ETS1: variants seen among roughly 807,000 people sequenced by gnomAD.
ETS1 encodes the protein ETS proto-oncogene 1, transcription factor, also known as protein C-ets-1.
ETS1 carries 15 observed loss-of-function variants against 58.6 expected under a neutral mutation model. The ratio of observed to expected loss-of-function variants is 0.26; its 90% confidence interval spans 0.17 to 0.39. The LOEUF (loss-of-function observed/expected upper bound fraction) is 0.39. ETS1 is among the 10% of genes least tolerant of loss of function. ETS1 has a pLI of 1.00. For synonymous variants in ETS1, 214 were observed against 218.2 expected, an observed-to-expected ratio of 0.98 and a Z score of 0.17; for missense variants, 417 against 610.5, an observed-to-expected ratio of 0.68 and a Z score of 3.34.
intron 3 of ETS1, among the ~76,000 whole-genome samples, chr11:128,544,184 G>A (rs1864095858): frequency 6.6e-6 from 1 of 151,770 alleles, no homozygotes; most frequent in African/African-American, 2.4e-5. Flanking sequence ...TCATAAGAAA[G>A]TCAGTTCCTT....
chr11:128,484,747 T>C (rs909104240), intron 7 of ETS1, 76 bp downstream of exon 7: 46 of 1,383,284 alleles, frequency 3.3e-5, no homozygotes, highest in African/African-American at 2.2e-4. Flanking sequence ...AAAAAAAAAA[T>C]GGAACCTGAA....
intron 3 of ETS1, among the ~76,000 whole-genome samples, chr11:128,532,366 C>T (rs532379587): frequency 2.5e-4 from 38 of 152,352 alleles, no homozygotes; most frequent in African/African-American, 8.9e-4. Flanking sequence ...TTGCCATTTA[C>T]ATCAGCTATG....
At chr11:128,515,489 C>A (rs1407344258) in intron 3 of ETS1, among the ~76,000 whole-genome samples, 1 of 152,190 alleles carries the variant, frequency 6.6e-6, no homozygotes, top group African/African-American at 2.4e-5. Flanking sequence ...TAAAGGGCTT[C>A]AAACTCTTAA....
intron 1 of ETS1, among the ~76,000 whole-genome samples, chr11:128,575,750 G>A (rs1203216841): frequency 6.6e-6 from 1 of 152,228 alleles, no homozygotes; most frequent in African/African-American, 2.4e-5. Flanking sequence ...ATAGGAAATT[G>A]TGAAAGATTG....
intron 3 of ETS1, among the ~76,000 whole-genome samples, chr11:128,521,008 C>CT (rs1203448899): frequency 6.6e-6 from 1 of 152,138 alleles, no homozygotes; most frequent in Non-Finnish European, 1.5e-5. Flanking sequence ...TCACTCATCT[C>CT]TAAGGATAGC....
intron 2 of ETS1, among the ~76,000 whole-genome samples, chr11:128,564,149 CT>C (rs1389630740): frequency 3.3e-5 from 5 of 152,104 alleles, no homozygotes; most frequent in Non-Finnish European, 7.4e-5. Context: ...GTTCTGCTCC[CT>C]TGAGAGGTAA....
intron 1 of ETS1, among the ~76,000 whole-genome samples, chr11:128,587,213 C>T (rs2135610674): frequency 6.7e-6 from 1 of 150,178 alleles, no homozygotes; most frequent in East Asian, 1.9e-4. Flanking sequence ...AAGTAATCTA[C>T]GGGTATCTAA....
intron 3 of ETS1, among the ~76,000 whole-genome samples, chr11:128,517,072 T>G (rs1446390630): frequency 6.6e-6 from 1 of 152,246 alleles, no homozygotes. Flanking sequence ...TAAGCATTGC[T>G]GGAACTTTCA....
At chr11:128,530,610 C>T (rs982053310) in intron 3 of ETS1, among the ~76,000 whole-genome samples, 2 of 152,052 alleles carry the variant, frequency 1.3e-5, no homozygotes, top group Non-Finnish European at 2.9e-5. Context: ...AAGACTTCAT[C>T]ACAAAAAGGC....
intron 8 of ETS1, among the ~76,000 whole-genome samples, chr11:128,467,690 T>C (rs935225537): frequency 1.3e-5 from 2 of 152,112 alleles, no homozygotes; most frequent in African/African-American, 4.8e-5. Context: ...ATGTGACTCA[T>C]AATGGTGTCC....
At chr11:128,581,205 G>T (rs1458185092) in intron 1 of ETS1, among the ~76,000 whole-genome samples, 1 of 152,050 alleles carries the variant, frequency 6.6e-6, no homozygotes, top group Non-Finnish European at 1.5e-5. Context: ...GCTTCTCCTA[G>T]GCATCAAGGA....
intron 3 of ETS1, among the ~76,000 whole-genome samples, chr11:128,535,881 G>T (rs1314303111): frequency 2.0e-5 from 3 of 152,300 alleles, no homozygotes; most frequent in African/African-American, 7.2e-5. Context: ...ATCAGTAATT[G>T]TATCAGTAAG....
chr11:128,477,125 A>G (rs1862344125), intron 8 of ETS1, among the ~76,000 whole-genome samples: 1 of 152,220 alleles, frequency 6.6e-6, no homozygotes, highest in East Asian at 1.9e-4. Flanking sequence ...AAAGACCCAG[A>G]CTCCTGGTGA....
At chr11:128,564,299 GA>G (rs1348320185) in intron 2 of ETS1, among the ~76,000 whole-genome samples, 1 of 152,210 alleles carries the variant, frequency 6.6e-6, no homozygotes, top group African/African-American at 2.4e-5. Flanking sequence ...TTTAATTTTA[GA>G]CTCAAGGCCA....
chr11:128,569,362 A>G (rs974862345), intron 2 of ETS1, among the ~76,000 whole-genome samples: 7 of 82,324 alleles, frequency 8.5e-5, no homozygotes, highest in Admixed American at 4.5e-4. Context: ...GACTAACTAA[A>G]TCAGAGACTA....
intron 3 of ETS1, among the ~76,000 whole-genome samples, chr11:128,493,550 T>G (rs1346895649): frequency 1.3e-5 from 2 of 152,156 alleles, no homozygotes; most frequent in Non-Finnish European, 2.9e-5. Context: ...AAAAAAGGGT[T>G]CACATCCCAG....
intron 3 of ETS1, among the ~76,000 whole-genome samples, chr11:128,523,191 C>T (rs769158566): frequency 1.3e-5 from 2 of 152,202 alleles, no homozygotes; most frequent in African/African-American, 4.8e-5. Context: ...AAAAGTGATG[C>T]AGAGGCTCTG....
At chr11:128,533,963 G>A (rs1189158035) in intron 3 of ETS1, among the ~76,000 whole-genome samples, 2 of 152,202 alleles carry the variant, frequency 1.3e-5, no homozygotes, top group East Asian at 1.9e-4. Context: ...TATACCAAAT[G>A]TGATCTAAGA....
At chr11:128,520,428 G>A (rs187389523) in intron 3 of ETS1, among the ~76,000 whole-genome samples, 82 of 152,260 alleles carry the variant, frequency 5.4e-4, no homozygotes, top group Admixed American at 2.5e-3. Flanking sequence ...TAAACAAGCT[G>A]TTCTTAAGGA....
Sources: gnomAD v4.1 joint callset for allele counts (sites outside exome capture counted in the v4.1 genomes callset) on GRCh38, gnomAD v4.1.1 for gene constraint, MANE v1.5 for transcripts, NCBI Gene and HGNC (gene_info 2026-07-23, HGNC 2026-07-21) for gene names.